The following ENPEP variants were observed in gnomAD, a reference collection of about 807,000 sequenced individuals.
ENPEP encodes glutamyl aminopeptidase, also known as AP-A.
Under a neutral mutation model 114.5 loss-of-function variants are expected in ENPEP, and 103 were observed. The ratio of observed to expected loss-of-function variants is 0.90; its 90% CI spans 0.77 to 1.06. The LOEUF is 1.06. ENPEP is among the 50% of genes least tolerant of loss of function. The pLI is 0.00. For synonymous variants in ENPEP, 420 were observed against 422.0 expected, an observed-to-expected ratio of 1.00 and a Z score of 0.06; for missense variants, 1,196 against 1,161.3, an observed-to-expected ratio of 1.03 and a Z score of -0.43.
chr4:110,535,916 T>A (rs1726601294), intron 11 of ENPEP, among the ~76,000 whole-genome samples: 1 of 152,158 alleles, frequency 6.6e-6, no homozygotes, highest in African/African-American at 2.4e-5. Context: ...AAGGCTCAGA[T>A]GATTGTTAGC....
At chr4:110,483,621 T>G (rs998366144) in intron 1 of ENPEP, among the ~76,000 whole-genome samples, 1 of 152,180 alleles carries the variant, frequency 6.6e-6, no homozygotes, top group African/African-American at 2.4e-5. Flanking sequence ...TTGCATAGAC[T>G]ATCATTTTAT....
intron 18 of ENPEP, among the ~76,000 whole-genome samples, chr4:110,556,552 G>T (rs536189037): frequency 6.6e-6 from 1 of 151,968 alleles, no homozygotes; most frequent in African/African-American, 2.4e-5. Flanking sequence ...ACAACTATAC[G>T]TAGTGTATTG....
chr4:110,520,421 A>G, intron 10 of ENPEP, 55 bp downstream of exon 10: 1 of 1,562,180 alleles, frequency 6.4e-7, no homozygotes, highest in Non-Finnish European at 8.8e-7. Flanking sequence ...AAATATTGGT[A>G]ATTTGTTTAT....
chr4:110,485,381 A>G (rs563060329), intron 1 of ENPEP, among the ~76,000 whole-genome samples: 20 of 152,272 alleles, frequency 1.3e-4, no homozygotes, highest in African/African-American at 4.3e-4. Flanking sequence ...AGATTCACCA[A>G]TTGTTTACGT....
chr4:110,546,834 G>A (rs1207641108), intron 13 of ENPEP, among the ~76,000 whole-genome samples: 1 of 152,062 alleles, frequency 6.6e-6, no homozygotes, highest in African/African-American at 2.4e-5. Context: ...ACTGTTTTAA[G>A]CCAGAAACCT....
chr4:110,510,772 T>C (rs2064786966), intron 6 of ENPEP, among the ~76,000 whole-genome samples: 1 of 152,184 alleles, frequency 6.6e-6, no homozygotes, highest in Non-Finnish European at 1.5e-5. Context: ...ATAACATAAA[T>C]TTAGTAGTTA....
Position 110,562,376 on chromosome 4 carries a change from AATTAGAGGGAACATAGTG to A in ENPEP, c.*819_*836del, listed in dbSNP as rs1242361415. 6.6e-6 allele frequency: 1 copy of A among 152,184 alleles called. No homozygotes were observed. Among genetic ancestry groups the A allele is most frequent in the Non-Finnish European group, 1.5e-5 (1 of 68,018 alleles). The allele number at this position is 152,184 out of a possible 1,614,324, so 9.4% of individuals were successfully genotyped here. A position where few individuals can be genotyped will look rare whatever the true frequency, so the allele number is the denominator to read the frequency against. ...CAAAGCTCCTTCAAATATGCTATGA[AATTAGAGGGAACATAGTG>A]CTTAACTCTGCTCCATGGATTTTAG... On this transcript the variant is annotated 3_prime_UTR_variant, in exon 20 of 20. Coordinates refer to ENST00000265162, the MANE Select transcript of ENPEP (RefSeq NM_001977.4).
chr4:110,559,914 G>C (rs535172510), intron 19 of ENPEP, among the ~76,000 whole-genome samples, 189 bp downstream of exon 19: 1 of 152,300 alleles, frequency 6.6e-6, no homozygotes, highest in South Asian at 2.1e-4. Flanking sequence ...GCATGTGTTA[G>C]GTATTTGTCC....
At chr4:110,509,017 A>G (rs1401711587) in intron 4 of ENPEP, among the ~76,000 whole-genome samples, 2 of 152,292 alleles carry the variant, frequency 1.3e-5, no homozygotes, top group South Asian at 2.1e-4. Context: ...GGGATTTAAC[A>G]TAGAACTGAT....
intron 10 of ENPEP, among the ~76,000 whole-genome samples, chr4:110,522,625 G>A (rs1726044328): frequency 6.6e-6 from 1 of 152,102 alleles, no homozygotes; most frequent in Non-Finnish European, 1.5e-5. Context: ...AACATACGTA[G>A]ATACACCCTC....
chr4:110,508,820 G>T (rs1389203527), intron 4 of ENPEP, among the ~76,000 whole-genome samples: 4 of 152,070 alleles, frequency 2.6e-5, no homozygotes, highest in African/African-American at 9.7e-5. Flanking sequence ...CAAAAAAAAA[G>T]AAAGAATATT....
intron 1 of ENPEP, among the ~76,000 whole-genome samples, chr4:110,484,279 T>G (rs1181949652): frequency 6.6e-6 from 1 of 152,090 alleles, no homozygotes; most frequent in Admixed American, 6.6e-5. Context: ...GGTGACCAGG[T>G]TTTACAGATG....
chr4:110,562,897 A>G lies in ENPEP; in HGVS notation c.*1339A>G, dbSNP rs1313131480. On this transcript the variant is annotated 3_prime_UTR_variant, in exon 20 of 20. Coordinates refer to ENST00000265162, the MANE Select transcript of ENPEP (RefSeq NM_001977.4). ...TTGAAGCATATGGAAACAAAACCTTAGCTTTAACTTTATTTATACAATAAT... is the reference window on the plus strand; with the variant it reads ...TTGAAGCATATGGAAACAAAACCTTGGCTTTAACTTTATTTATACAATAAT... 1 of 152,172 alleles carries G rather than the reference A, an allele frequency of 6.6e-6. No homozygotes were observed. The highest frequency in any genetic ancestry group is 1.5e-5 in the Non-Finnish European group (1 of 67,998). The allele number at this position is 152,172 out of a possible 1,614,324, so 9.4% of individuals were successfully genotyped here.
chr4:110,549,218 A>G (rs955433364), intron 14 of ENPEP, 128 bp from the exon 15 acceptor site: 4 of 743,554 alleles, frequency 5.4e-6, no homozygotes, highest in African/African-American at 5.4e-5. Context: ...TGTTTTTCTA[A>G]GGACAAGCGC....
At position 110,549,354 on chromosome 4, in the gene ENPEP, C is replaced by A. The variant is rs1215549562; in HGVS notation, c.2160C>A (p.Phe720Leu). The A allele has an allele frequency of 6.2e-7, 1 of 1,612,642 alleles. No individual in the cohort carries two copies. Among genetic ancestry groups the A allele is most frequent in the Non-Finnish European group, 8.5e-7 (1 of 1,179,006 alleles). Residue 720 changes from phenylalanine to leucine, a missense_variant, in exon 15 of 20, where the codon TTC (phenylalanine) becomes TTA (leucine). Coordinates refer to ENST00000265162, the MANE Select transcript of ENPEP (RefSeq NM_001977.4). The stretch of plus-strand genomic sequence containing the variant: ...TAATACTTTTATTTCAGGAATACTT[C>A]CAAGGTCAAGTGAAGCCTATTGCAG... ...KELYPMIEEYFQGQVKPIADS... is the reference protein window; with the variant it reads ...KELYPMIEEYLQGQVKPIADS...
intron 6 of ENPEP, among the ~76,000 whole-genome samples, chr4:110,511,380 T>C (rs1725567889): frequency 1.3e-5 from 2 of 152,138 alleles, no homozygotes; most frequent in South Asian, 2.1e-4. Context: ...ATTAACTAAA[T>C]GCCAGTAACC....
At chr4:110,503,953 A>G (rs1212246665) in intron 3 of ENPEP, among the ~76,000 whole-genome samples, 1 of 152,078 alleles carries the variant, frequency 6.6e-6, no homozygotes, top group Non-Finnish European at 1.5e-5. Context: ...TTTCCTCCTA[A>G]TTGCAGCTGT....
chr4:110,549,490 G>C (rs566673185), intron 15 of ENPEP, 38 bp from the exon 16 acceptor site: 11 of 1,612,324 alleles, frequency 6.8e-6, no homozygotes, highest in Non-Finnish European at 9.3e-6. Flanking sequence ...GTTGAAAAGT[G>C]CTTAAGGCCC....
rs1335924397 is a variant in ENPEP, at chr4:110,549,627, T to C, written c.2325T>C (p.Thr775=). 1 of 1,613,540 alleles carries C rather than the reference T, an allele frequency of 6.2e-7. No individual in the cohort carries two copies. ...SSLFEQWLNG[T]VSLPVNLRLL... Reference sequence around the variant, plus strand: ...TATTTGAGCAGTGGCTAAATGGGACTGTAAGGTGATTACTCACATTGTTAT... The same window carrying C: ...TATTTGAGCAGTGGCTAAATGGGACCGTAAGGTGATTACTCACATTGTTAT... Residue 775 remains threonine (T), a synonymous_variant, in exon 16 of 20, where the codon ACT becomes ACC. Transcript: ENST00000265162.
Sources: gnomAD v4.1 joint callset for allele counts (sites outside exome capture counted in the v4.1 genomes callset) on GRCh38, gnomAD v4.1.1 for gene constraint, MANE v1.5 for transcripts, NCBI Gene and HGNC (gene_info 2026-07-23, HGNC 2026-07-21) for gene names.